The following MLKL variants were observed in gnomAD, a reference collection of about 807,000 sequenced individuals.
MLKL encodes the protein mixed lineage kinase domain like pseudokinase, also known as mixed lineage kinase domain-like protein.
MLKL carries 55 observed loss-of-function variants against 56.5 expected under a neutral mutation model. The ratio of observed to expected loss-of-function variants is 0.97; its 90% CI spans 0.78 to 1.22. MLKL has a LOEUF of 1.22. Among genes scored for constraint, MLKL ranks in the 50% most tolerant of loss-of-function variants. The probability of loss-of-function intolerance (pLI) is 0.00; values close to 1 mark genes in which losing one functional copy is unlikely to be tolerated. For synonymous variants in MLKL, 251 were observed against 208.3 expected (o/e 1.20, Z -1.76); for missense variants, 694 against 573.9 (o/e 1.21, Z -2.14).
At chr16:74,698,671 A>T (rs1961200492) in intron 1 of MLKL, among the ~76,000 whole-genome samples, 1 of 152,240 alleles carries the variant, frequency 6.6e-6, no homozygotes, top group Admixed American at 6.5e-5. Flanking sequence ...GTAGCTTCCT[A>T]GCTCTAAGCT....
At position 74,695,561 on chromosome 16, in the gene MLKL, T is replaced by C; in HGVS notation, c.197A>G (p.Lys66Arg). The C allele has an allele frequency of 6.2e-7, 1 of 1,614,214 alleles. No individual in the cohort carries two copies. Among genetic ancestry groups the C allele is most frequent in the South Asian group, 1.1e-5 (1 of 91,084 alleles). The change falls in exon 2 of 11, where the codon AAG becomes AGG. Residue 66 changes from lysine to arginine, a missense_variant. By Grantham distance (26) the Lys-to-Arg change is conservative. Transcript: ENST00000308807. The part of the protein sequence containing the change: ...EKLTTAMNRF[K>R]AALEEANGEI... ...CCCATTAGCCTCCTCCAGGGCAGCC[T>C]TGAAGCGGTTCATGGCTGTGGTTAA...
chr16:74,682,108 G>A (rs1960016301), intron 6 of MLKL, among the ~76,000 whole-genome samples: 1 of 149,702 alleles, frequency 6.7e-6, no homozygotes, highest in Non-Finnish European at 1.5e-5. Context: ...AAAAAAAACT[G>A]GCTGAGTGTA....
Position 74,695,657 on chromosome 16 carries a change from C to T in MLKL, c.101G>A (p.Arg34His), listed in dbSNP as rs747075913. The T allele has an allele frequency of 3.7e-6, 6 of 1,614,154 alleles. No homozygotes were observed. Among genetic ancestry groups the T allele is most frequent in the East Asian group, 4.5e-5 (2 of 44,876 alleles). ...CAGAGGCTTGATCAGGCCGAGGACG[C>T]GGTGGCCCAGGCGCCGGCACTGTTT... ...CKKQCRRLGH[R>H]VLGLIKPLEM... Residue 34 changes from arginine (R) to histidine (H), a missense_variant, in exon 2 of 11, where the codon CGC becomes CAC. Transcript: ENST00000308807.
At chr16:74,694,998 G>A (rs113859799) in intron 2 of MLKL, among the ~76,000 whole-genome samples, 9 of 152,194 alleles carry the variant, frequency 5.9e-5, no homozygotes, top group African/African-American at 2.2e-4. Flanking sequence ...TCAGCCTCCC[G>A]AGTAGCTGGG....
At chr16:74,689,376 AAAGTGCTGGGATTACAGGCGT>A (rs1960531928) in intron 4 of MLKL, among the ~76,000 whole-genome samples, 1 of 152,174 alleles carries the variant, frequency 6.6e-6, no homozygotes, top group Admixed American at 6.5e-5. Context: ...TTGGCCTCCC[AAAGTGCTGGGATTACAGGCGT>A]GAGCCACTGC....
intron 4 of MLKL, 123 bp from the exon 5 acceptor site, chr16:74,685,706 G>C (rs1960284785): frequency 1.4e-6 from 1 of 718,754 alleles, no homozygotes; most frequent in Non-Finnish European, 2.4e-6. Context: ...GAGAACTGGT[G>C]CCAGGATGAA....
At position 74,671,997 on chromosome 16, in the gene MLKL, T is replaced by A. The variant is rs537101191; in HGVS notation, c.*507A>T. 3 of 152,982 alleles carry A rather than the reference T, an allele frequency of 2.0e-5. No individual in the cohort carries two copies. In the East Asian group the frequency reaches 5.8e-4, roughly 29 times the overall value. 9.5% of individuals were successfully genotyped at this position (152,982 alleles called of 1,614,324 possible). A position where few individuals can be genotyped will look rare whatever the true frequency, so the allele number is the denominator to read the frequency against. On this transcript the variant is annotated 3_prime_UTR_variant, in exon 11 of 11. Coordinates refer to ENST00000308807, the MANE Select transcript of MLKL (RefSeq NM_152649.4). ...CCATGTTGGTTGGGCTAGTATGACT[T>A]CAGCTAGGAAAGCATGTTTCTGCTT...
At chr16:74,672,743 G>A (rs1203123686) in intron 10 of MLKL, among the ~76,000 whole-genome samples, 1 of 152,178 alleles carries the variant, frequency 6.6e-6, no homozygotes, top group East Asian at 1.9e-4. Flanking sequence ...CACCTCACAG[G>A]AGGGGGTAAA....
At chr16:74,673,402 G>T (rs573402841) in intron 10 of MLKL, among the ~76,000 whole-genome samples, 1 of 152,218 alleles carries the variant, frequency 6.6e-6, no homozygotes, top group Admixed American at 6.5e-5. Flanking sequence ...ATTTTTAGTA[G>T]AGATAGGGTT....
intron 7 of MLKL, chr16:74,676,535 A>C: frequency 1.1e-6 from 1 of 925,162 alleles, no homozygotes; most frequent in Non-Finnish European, 1.3e-6. Flanking sequence ...ATTCTCTTAC[A>C]TCTAGCGCCG....
At position 74,675,766 on chromosome 16, in the gene MLKL, T is replaced by A. The variant is rs758929952; in HGVS notation, c.1039-2A>T. 1 of 1,613,452 alleles carries A rather than the reference T, an allele frequency of 6.2e-7. No individual in the cohort carries two copies. The highest frequency in any genetic ancestry group is 1.1e-5 in the South Asian group (1 of 90,938). ...TTTCCTCAACTCAAATCCTGCAAGC[T>A]AGATAGAGAGGCAACTTAGAAAGAA... On this transcript the variant is annotated splice_acceptor_variant, in intron 7 of 10. Transcript: ENST00000308807. LOFTEE classifies it high-confidence loss of function.
intron 6 of MLKL, among the ~76,000 whole-genome samples, chr16:74,682,423 C>T (rs1304055758): frequency 6.6e-6 from 1 of 152,170 alleles, no homozygotes; most frequent in Non-Finnish European, 1.5e-5. Flanking sequence ...TCATCCAACT[C>T]TATAAGTGCA....
At chr16:74,676,716 C>G (rs2144453572) in intron 7 of MLKL, 1 of 152,860 alleles carries the variant, frequency 6.5e-6, no homozygotes, top group South Asian at 2.1e-4. Context: ...AGGGCTGTCT[C>G]TGACACTCGT....
At chr16:74,688,721 C>G (rs1286739399) in intron 4 of MLKL, among the ~76,000 whole-genome samples, 1 of 151,726 alleles carries the variant, frequency 6.6e-6, no homozygotes, top group African/African-American at 2.4e-5. Context: ...TCAAACAGAA[C>G]AAAACAAAAA....
intron 1 of MLKL, 93 bp from the exon 2 acceptor site, chr16:74,695,852 A>C: frequency 3.5e-6 from 4 of 1,129,032 alleles, no homozygotes; most frequent in Non-Finnish European, 4.9e-6. Flanking sequence ...TGTGACTTAA[A>C]TGCCTGAGGA....
chr16:74,689,111 CT>C (rs940207369), intron 4 of MLKL, among the ~76,000 whole-genome samples: 17 of 144,590 alleles, frequency 1.2e-4, no homozygotes, highest in African/African-American at 2.0e-4. Context: ...TTCCTTTTTT[CT>C]TTTTTTTTTC....
intron 6 of MLKL, among the ~76,000 whole-genome samples, chr16:74,681,917 G>A (rs1273526598): frequency 1.3e-5 from 2 of 152,088 alleles, no homozygotes; most frequent in African/African-American, 4.8e-5. Flanking sequence ...CCCACAAATT[G>A]TATAGGACAT....
chr16:74,678,660 G>T (rs898658745), intron 7 of MLKL, among the ~76,000 whole-genome samples: 2 of 152,088 alleles, frequency 1.3e-5, no homozygotes, highest in Non-Finnish European at 2.9e-5. Context: ...GTGCATGGCT[G>T]TAATCCCAGC....
At chr16:74,691,252 G>C in intron 4 of MLKL, 25 bp downstream of exon 4, 2 of 1,589,274 alleles carry the variant, frequency 1.3e-6, no homozygotes, top group Non-Finnish European at 1.7e-6. Context: ...TGGTACACAC[G>C]AGAGAACCAC....
Sources: gnomAD v4.1 joint callset for allele counts (sites outside exome capture counted in the v4.1 genomes callset) on GRCh38, gnomAD v4.1.1 for gene constraint, MANE v1.5 for transcripts, NCBI Gene and HGNC (gene_info 2026-07-23, HGNC 2026-07-21) for gene names.